The following GALNTL6 variants were observed in gnomAD, a reference collection of about 807,000 sequenced individuals.
GALNTL6 encodes the protein polypeptide N-acetylgalactosaminyltransferase like 6.
GALNTL6 carries 46 observed loss-of-function variants against 73.7 expected under a neutral mutation model. That is an observed-to-expected ratio of 0.62 (90% CI 0.49 to 0.80). GALNTL6 has a LOEUF of 0.80. GALNTL6 is among the 30% of genes least tolerant of loss of function. The pLI is 0.00. For missense variants in GALNTL6, 604 were observed against 755.0 expected (o/e 0.80, Z 2.34); for synonymous variants, 259 against 263.7 (o/e 0.98, Z 0.17).
At chr4:172,132,877 A>G (rs1217105896) in intron 2 of GALNTL6, among the ~76,000 whole-genome samples, 2 of 152,148 alleles carry the variant, frequency 1.3e-5, no homozygotes, top group African/African-American at 2.4e-5. Flanking sequence ...TCAAATTTCA[A>G]AAGTCATGTT....
intron 4 of GALNTL6, among the ~76,000 whole-genome samples, chr4:172,344,935 C>G (rs1258193675): frequency 6.6e-6 from 1 of 152,094 alleles, no homozygotes; most frequent in East Asian, 1.9e-4. Flanking sequence ...CGTCTTCTTC[C>G]ACAGAGGATT....
chr4:172,765,517 T>C (rs552266442), intron 5 of GALNTL6, among the ~76,000 whole-genome samples: 6 of 143,212 alleles, frequency 4.2e-5, no homozygotes, highest in African/African-American at 1.1e-4. Context: ...CCCTAATTCA[T>C]TTATTATTAA....
chr4:172,431,297 C>T (rs767995828), intron 5 of GALNTL6, among the ~76,000 whole-genome samples: 2 of 152,102 alleles, frequency 1.3e-5, no homozygotes, highest in African/African-American at 4.8e-5. Flanking sequence ...TGATGTCAAA[C>T]GCAGTGTCAG....
At chr4:172,691,442 T>C (rs921632125) in intron 5 of GALNTL6, among the ~76,000 whole-genome samples, 1 of 152,204 alleles carries the variant, frequency 6.6e-6, no homozygotes, top group Non-Finnish European at 1.5e-5. Flanking sequence ...GCAAGATCCA[T>C]GTCCGTCTAA....
At chr4:172,744,831 G>A (rs1736999762) in intron 5 of GALNTL6, among the ~76,000 whole-genome samples, 1 of 82,382 alleles carries the variant, frequency 1.2e-5, no homozygotes, top group Non-Finnish European at 2.4e-5. Context: ...GATTTTAAGA[G>A]TGCGCGTGCG....
chr4:172,138,197 T>C (rs1365229279), intron 2 of GALNTL6, among the ~76,000 whole-genome samples: 1 of 151,888 alleles, frequency 6.6e-6, no homozygotes, highest in African/African-American at 2.4e-5. Context: ...CAGTTCTCTT[T>C]ATATTTTATT....
intron 5 of GALNTL6, among the ~76,000 whole-genome samples, chr4:172,361,583 C>A (rs1363663712): frequency 6.6e-6 from 1 of 152,032 alleles, no homozygotes; most frequent in East Asian, 1.9e-4. Flanking sequence ...GGATAATAAG[C>A]TTTTTCCAAG....
chr4:172,540,839 T>C (rs922807124), intron 5 of GALNTL6, among the ~76,000 whole-genome samples: 2 of 152,200 alleles, frequency 1.3e-5, no homozygotes, highest in African/African-American at 2.4e-5. Context: ...GCCCTTGTTA[T>C]ATAGATGAAG....
intron 5 of GALNTL6, among the ~76,000 whole-genome samples, chr4:172,523,896 T>C (rs1389882551): frequency 1.3e-5 from 2 of 152,178 alleles, no homozygotes; most frequent in Non-Finnish European, 2.9e-5. Context: ...CTCAATAATT[T>C]ATTACAAAAA....
chr4:172,551,261 C>T (rs1735945098), intron 5 of GALNTL6, among the ~76,000 whole-genome samples: 1 of 152,070 alleles, frequency 6.6e-6, no homozygotes, highest in Non-Finnish European at 1.5e-5. Flanking sequence ...ATTATAAATA[C>T]TCACTTTATT....
intron 2 of GALNTL6, among the ~76,000 whole-genome samples, chr4:172,113,558 T>G (rs2110983604): frequency 6.6e-6 from 1 of 152,180 alleles, no homozygotes; most frequent in African/African-American, 2.4e-5. Context: ...TTTTAAACAT[T>G]TTGTCATTTT....
At chr4:171,990,315 T>C (rs185979657) in intron 2 of GALNTL6, among the ~76,000 whole-genome samples, 1 of 152,318 alleles carries the variant, frequency 6.6e-6, no homozygotes, top group African/African-American at 2.4e-5. Context: ...CTTATTTTTT[T>C]CAATACTCAT....
chr4:172,628,683 T>C lies in GALNTL6; in HGVS notation c.554-180678T>C, dbSNP rs141996203. 9.1e-4 allele frequency among the ~76,000 whole-genome samples: 139 copies of C among 152,248 alleles called. 1 individual carries two copies. Among genetic ancestry groups the C allele is most frequent in the African/African-American group, 3.1e-3 (127 of 41,544 alleles). The stretch of plus-strand genomic sequence containing the variant: ...TATGCGTATTGTCAGTGTCTCTCTG[T>C]GAATGCCATTATTCAAGGGCTCACA... On this transcript the variant is annotated intron_variant, in intron 5 of 12. Transcript: ENST00000506823.
chr4:172,341,624 G>A (rs569546378), intron 4 of GALNTL6, among the ~76,000 whole-genome samples: 68 of 152,164 alleles, frequency 4.5e-4, no homozygotes, highest in African/African-American at 1.6e-3. Context: ...TGCTGTTCTG[G>A]TGATAGTGAA....
intron 5 of GALNTL6, chr4:172,666,699 A>G (rs1225966889): frequency 6.6e-6 from 1 of 152,178 alleles, no homozygotes; most frequent in Non-Finnish European, 1.5e-5. Flanking sequence ...CTAGTTTACT[A>G]TGGCACACAT....
intron 11 of GALNTL6, among the ~76,000 whole-genome samples, chr4:173,020,331 GTATAA>G (rs1752943118): frequency 6.6e-6 from 1 of 152,180 alleles, no homozygotes; most frequent in African/African-American, 2.4e-5. Context: ...TAATAGAATG[GTATAA>G]TATGATAGAA....
At chr4:172,783,445 TATA>T (rs1304613767) in intron 5 of GALNTL6, among the ~76,000 whole-genome samples, 8 of 147,654 alleles carry the variant, frequency 5.4e-5, no homozygotes, top group South Asian at 2.1e-4. Flanking sequence ...TAACACTATT[TATA>T]ATATTATAAC....
intron 2 of GALNTL6, among the ~76,000 whole-genome samples, chr4:171,897,560 C>G (rs963185650): frequency 6.6e-6 from 1 of 152,078 alleles, no homozygotes; most frequent in Non-Finnish European, 1.5e-5. Flanking sequence ...CTGTGGCTCG[C>G]GCCTGCAATC....
At chr4:172,133,283 TAG>T (rs1214149365) in intron 2 of GALNTL6, among the ~76,000 whole-genome samples, 45 of 152,312 alleles carry the variant, frequency 3.0e-4, no homozygotes, top group African/African-American at 1.0e-3. Flanking sequence ...GAACTATGAA[TAG>T]AGAATCCATA....
Sources: allele counts gnomAD v4.1 joint callset (sites outside exome capture counted in the v4.1 genomes callset), GRCh38; gene constraint gnomAD v4.1.1; transcripts MANE v1.5; gene names NCBI Gene and HGNC (gene_info 2026-07-23, HGNC 2026-07-21).